Variants in MIOS observed in about 807,000 individuals in gnomAD.
The protein encoded by MIOS is meiosis regulator for oocyte development, also known as GATOR2 complex protein MIOS.
In MIOS, 52 loss-of-function variants were observed where a neutral mutation model predicts 96.9. That is an observed-to-expected ratio of 0.54 (90% CI 0.43 to 0.68). The LOEUF (loss-of-function observed/expected upper bound fraction) is 0.68. Ranked by LOEUF, MIOS falls within the 30% of genes least tolerant of loss-of-function variation. The pLI, the probability that MIOS is intolerant of heterozygous loss-of-function variation, is 0.00. For synonymous variants in MIOS, 397 were observed against 359.5 expected (o/e 1.10, Z -1.18); for missense variants, 1,005 against 1,052.8 (o/e 0.95, Z 0.63).
In MIOS at chr7:7,591,610, T is replaced by G. The variant is rs534433827; in HGVS notation, c.2043+2047T>G. On this transcript the variant is annotated intron_variant, in intron 9 of 12. Coordinates refer to ENST00000340080, the MANE Select transcript of MIOS (RefSeq NM_019005.4). Reference sequence around the variant, plus strand: ...TCTGATTTTTAATGTTTAAGTAAATTTGTTTTCCTTGCAACCATCAATAAA... The same window carrying G: ...TCTGATTTTTAATGTTTAAGTAAATGTGTTTTCCTTGCAACCATCAATAAA... Among the ~76,000 whole-genome samples, 7 of 152,264 alleles carry G rather than the reference T, an allele frequency of 4.6e-5. No homozygotes were observed. In the South Asian group the frequency reaches 1.2e-3, roughly 27 times the overall value.
At chr7:7,600,058 C>A (rs577916543) in intron 11 of MIOS, among the ~76,000 whole-genome samples, 4 of 152,078 alleles carry the variant, frequency 2.6e-5, no homozygotes, top group South Asian at 2.1e-4. Flanking sequence ...AACTACCTGT[C>A]GGGTACTATG....
Position 7,567,630 on chromosome 7 carries a change from A to G in MIOS, c.-197A>G, listed in dbSNP as rs79680893. On this transcript the variant is annotated 5_prime_UTR_variant, in exon 2 of 13. Coordinates refer to ENST00000340080, the MANE Select transcript of MIOS (RefSeq NM_019005.4). ...AGGGAAATTTGGATATGTGCAGTGC[A>G]TCTCCTCGAAGATGCTGATGGTGGA... The G allele has an allele frequency of 0.1, 15,478 of 152,256 alleles. 851 individuals are homozygous for G. Among genetic ancestry groups the G allele is most frequent in the Middle Eastern group, 0.23 (69 of 294 alleles). The allele number at this position is 152,256 out of a possible 1,614,324, so 9.4% of individuals were successfully genotyped here.
At chr7:7,575,145 C>G (rs573703539) in intron 5 of MIOS, among the ~76,000 whole-genome samples, 1 of 152,118 alleles carries the variant, frequency 6.6e-6, no homozygotes, top group African/African-American at 2.4e-5. Flanking sequence ...GGGCCCAAGT[C>G]AAGCTGTTAG....
At chr7:7,569,704 G>A (rs1783285118) in intron 3 of MIOS, among the ~76,000 whole-genome samples, 1 of 152,216 alleles carries the variant, frequency 6.6e-6, no homozygotes, top group African/African-American at 2.4e-5. Flanking sequence ...TGATTAAAGG[G>A]AAAGAATACT....
intron 6 of MIOS, among the ~76,000 whole-genome samples, chr7:7,584,304 AG>A (rs1412255745): frequency 6.6e-6 from 1 of 152,160 alleles, no homozygotes; most frequent in Non-Finnish European, 1.5e-5. Context: ...GATGGAAAAA[AG>A]AATTGATATT....
chr7:7,600,095 C>G (rs185846590), intron 11 of MIOS, among the ~76,000 whole-genome samples: 3 of 151,798 alleles, frequency 2.0e-5, no homozygotes, highest in Non-Finnish European at 4.4e-5. Flanking sequence ...TGAAATAATC[C>G]GTACACCAAA....
chr7:7,592,114 G>C (rs527776530), intron 9 of MIOS, among the ~76,000 whole-genome samples: 1 of 151,992 alleles, frequency 6.6e-6, no homozygotes, highest in South Asian at 2.1e-4. Context: ...TCAGCCTCCC[G>C]AGTAGCTGGG....
At chr7:7,567,350 C>T (rs901157695) in intron 1 of MIOS, 2 of 152,510 alleles carry the variant, frequency 1.3e-5, no homozygotes, top group African/African-American at 4.8e-5. Context: ...GCGTCCCAGC[C>T]TTTCCCGGGA....
At chr7:7,602,396 G>A (rs1458724812) in intron 11 of MIOS, among the ~76,000 whole-genome samples, 1 of 152,158 alleles carries the variant, frequency 6.6e-6, no homozygotes, top group South Asian at 2.1e-4. Flanking sequence ...CAAAATCAAT[G>A]TGCAGAAATC....
chr7:7,585,684 A>G lies in MIOS; in HGVS notation c.1697A>G (p.Asp566Gly), dbSNP rs1033681635. ...VVAMALSGYT[D>G]EKNSLWREMC... ...GCAATGGCTTTATCGGGTTATACGGATGAGAAGAACTCCCTTTGGAGAGAA... is the reference window on the plus strand; with the variant it reads ...GCAATGGCTTTATCGGGTTATACGGGTGAGAAGAACTCCCTTTGGAGAGAA... The change falls in exon 7 of 13, where the codon GAT becomes GGT. Residue 566 changes from aspartate (D) to glycine (G), a missense_variant. This residue lies in a region of MIOS where 865 missense variants were observed against 887.9 expected (regional missense o/e 0.97). Transcript: ENST00000340080. 1 of 1,609,476 alleles carries G rather than the reference A, an allele frequency of 6.2e-7. No homozygotes were observed. Among genetic ancestry groups the G allele is most frequent in the Non-Finnish European group, 8.5e-7 (1 of 1,178,028 alleles).
intron 11 of MIOS, among the ~76,000 whole-genome samples, chr7:7,599,489 G>A (rs2115483146): frequency 6.6e-6 from 1 of 152,332 alleles, no homozygotes; most frequent in East Asian, 1.9e-4. Flanking sequence ...AGCTTTAGGA[G>A]GAAGTTACCA....
chr7:7,581,051 G>A (rs1437583064), intron 5 of MIOS, among the ~76,000 whole-genome samples: 1 of 150,786 alleles, frequency 6.6e-6, no homozygotes, highest in East Asian at 2.0e-4. Flanking sequence ...GCCGGGCACG[G>A]TGGCTCATGC....
Position 7,574,259 on chromosome 7 carries a change from CCT to C in MIOS, c.1393+64_1393+65del, listed in dbSNP as rs1348371338. On this transcript the variant is annotated intron_variant, in intron 5 of 12. Transcript: ENST00000340080. ...TAACTTTTGTACTTTTATTTTGCCC[CCT>C]GTCATTTGGCAGAAATTATCTAGTT... The C allele has an allele frequency of 2.2e-5, 28 of 1,255,920 alleles. No individual in the cohort carries two copies. The East Asian group carries it at 4.6e-4, about 21-fold the overall frequency. The allele number at this position is 1,255,920 out of a possible 1,614,324, so 77.8% of individuals were successfully genotyped here.
intron 7 of MIOS, among the ~76,000 whole-genome samples, chr7:7,586,195 T>C (rs1369313221): frequency 1.5e-5 from 2 of 137,408 alleles, no homozygotes; most frequent in South Asian, 4.6e-4. Context: ...TGTGTGTGTG[T>C]AGTTAAATAA....
intron 5 of MIOS, among the ~76,000 whole-genome samples, chr7:7,576,614 C>T (rs575352786): frequency 6.6e-6 from 1 of 152,206 alleles, no homozygotes; most frequent in African/African-American, 2.4e-5. Context: ...GAAAGGTAAG[C>T]AGTGGGCTAA....
chr7:7,583,105 T>A lies in MIOS; in HGVS notation c.1394-13T>A. ...TTGAAATAAAACAATATAAAAATGTTTTCTGTTTTTAGGAATGGTGGAAAG... is the reference window on the plus strand; with the variant it reads ...TTGAAATAAAACAATATAAAAATGTATTCTGTTTTTAGGAATGGTGGAAAG... On this transcript the variant is annotated splice_polypyrimidine_tract_variant and intron_variant, in intron 5 of 12. Transcript: ENST00000340080. 6.3e-7 allele frequency: 1 copy of A among 1,593,304 alleles called. No individual in the cohort carries two copies. The highest frequency in any genetic ancestry group is 8.5e-7 in the Non-Finnish European group (1 of 1,170,384).
At chr7:7,584,603 A>G (rs1783827022) in intron 6 of MIOS, among the ~76,000 whole-genome samples, 2 of 152,162 alleles carry the variant, frequency 1.3e-5, no homozygotes, top group Admixed American at 6.5e-5. Context: ...AGCAAGCACA[A>G]AGTAACTTGG....
chr7:7,598,516 G>A (rs1784280545), intron 11 of MIOS, among the ~76,000 whole-genome samples: 1 of 150,116 alleles, frequency 6.7e-6, no homozygotes, highest in African/African-American at 2.5e-5. Flanking sequence ...ACTGATCACT[G>A]TTTTATGTTA....
chr7:7,570,569 A>G (rs1010812664), intron 3 of MIOS, among the ~76,000 whole-genome samples: 2 of 151,892 alleles, frequency 1.3e-5, no homozygotes, highest in Non-Finnish European at 2.9e-5. Flanking sequence ...TAATTATACA[A>G]CTCACCGTAA....
Sources: gnomAD v4.1 joint callset for allele counts (sites outside exome capture counted in the v4.1 genomes callset) on GRCh38, gnomAD v4.1.1 for gene constraint, gnomAD v4.1.1 regional missense constraint, MANE v1.5 for transcripts, NCBI Gene and HGNC (gene_info 2026-07-23, HGNC 2026-07-21) for gene names.